Variants in SGSM1 observed in about 807,000 individuals in gnomAD.
SGSM1 encodes small G protein signaling modulator 1.
In SGSM1, 73 loss-of-function variants were observed where a neutral mutation model predicts 133.8. The observed-to-expected ratio is 0.55, with a 90% CI of 0.45 to 0.66. The LOEUF (loss-of-function observed/expected upper bound fraction) is 0.66, where lower values mean the gene tolerates loss of function less well. Among genes scored for constraint, SGSM1 ranks in the 30% least tolerant of loss-of-function variants. SGSM1 has a pLI of 0.00. For missense variants in SGSM1, 1,213 were observed against 1,448.1 expected (o/e 0.84, Z 2.64); for synonymous variants, 563 against 573.0 (o/e 0.98, Z 0.25).
At chr22:24,893,934 C>T (rs1240331726) in intron 17 of SGSM1, among the ~76,000 whole-genome samples, 1 of 152,194 alleles carries the variant, frequency 6.6e-6, no homozygotes, top group African/African-American at 2.4e-5. Flanking sequence ...AAGTGCCTGG[C>T]GCACTGCCTG....
rs150211840 is a variant in SGSM1, at chr22:24,873,093, G to C, written c.1292-3484G>C. On this transcript the variant is annotated intron_variant, in intron 12 of 24. Coordinates refer to ENST00000400358, the MANE Select transcript of SGSM1 (RefSeq NM_001098497.3). Reference sequence around the variant, plus strand: ...TCCACCTCAGCCTCCTGGGTAGCTGGAATCACAGGCACAAGCCACCATACC... The same window carrying C: ...TCCACCTCAGCCTCCTGGGTAGCTGCAATCACAGGCACAAGCCACCATACC... 9.9e-3 allele frequency among the ~76,000 whole-genome samples: 1,504 copies of C among 152,088 alleles called. 14 individuals carry two copies. The highest frequency in any genetic ancestry group is 0.034 in the African/African-American group (1,417 of 41,518).
Position 24,850,297 on chromosome 22 carries a change from G to A in SGSM1, c.320G>A (p.Gly107Asp). The change falls in exon 5 of 25, where the codon GGC becomes GAC. Residue 107 changes from glycine (G) to aspartate (D), a missense_variant. By Grantham distance (94) the Gly-to-Asp change is moderately conservative. Transcript: ENST00000400358. ...TCTTGAAGGAGAAACCAGATTCAAG[G>A]CCTCCAGGAGAATGTGCGGAAGCTG... ...LIESARNQIQ[G>D]LQENVRKLPK... The A allele has an allele frequency of 6.2e-7, 1 of 1,603,014 alleles. No individual in the cohort carries two copies. Among genetic ancestry groups the A allele is most frequent in the South Asian group, 1.1e-5 (1 of 89,380 alleles).
At chr22:24,806,367 G>A in intron 1 of SGSM1, 23 bp downstream of exon 1, 6 of 1,502,552 alleles carry the variant, frequency 4.0e-6, no homozygotes, top group Non-Finnish European at 5.3e-6. Context: ...TGGACACGAG[G>A]GCGGCGGGAG....
intron 16 of SGSM1, among the ~76,000 whole-genome samples, chr22:24,890,243 A>G (rs1182181143): frequency 6.6e-6 from 1 of 152,240 alleles, no homozygotes; most frequent in African/African-American, 2.4e-5. Flanking sequence ...GGCATGAGCC[A>G]CCACGCCCGG....
intron 20 of SGSM1, among the ~76,000 whole-genome samples, chr22:24,902,409 T>C (rs1933199281): frequency 6.6e-6 from 1 of 152,196 alleles, no homozygotes; most frequent in Non-Finnish European, 1.5e-5. Context: ...TCCCAGCACT[T>C]TGGGAAGCTG....
At chr22:24,868,026 G>T (rs1234477803) in intron 10 of SGSM1, among the ~76,000 whole-genome samples, 8 of 152,182 alleles carry the variant, frequency 5.3e-5, no homozygotes, top group Non-Finnish European at 8.8e-5. Flanking sequence ...GACAGGGGAA[G>T]TCTGAAGGCC....
chr22:24,904,355 C>T (rs1003120521), intron 20 of SGSM1, among the ~76,000 whole-genome samples: 3 of 151,918 alleles, frequency 2.0e-5, no homozygotes, highest in South Asian at 2.1e-4. Context: ...CCGAGACGGG[C>T]GGGTCATGAG....
At chr22:24,839,864 C>CT (rs1007041298) in intron 2 of SGSM1, among the ~76,000 whole-genome samples, 4 of 144,466 alleles carry the variant, frequency 2.8e-5, no homozygotes, top group African/African-American at 1.0e-4. Flanking sequence ...TTTGAGAATT[C>CT]TTTTTTTTCT....
chr22:24,861,921 C>T (rs933414183), intron 9 of SGSM1, among the ~76,000 whole-genome samples: 10 of 151,372 alleles, frequency 6.6e-5, no homozygotes, highest in South Asian at 2.1e-4. Context: ...TCTCCCACCT[C>T]GGCTTCCCAG....
rs1008682691 is a variant in SGSM1, at chr22:24,855,616, A to C, written c.737A>C (p.Glu246Ala). 3.1e-6 allele frequency: 5 copies of C among 1,613,862 alleles called. No homozygotes were observed. The African/African-American group carries it at 6.7e-5, about 22-fold the overall frequency. ...TCCCTCTCTGCCCGCGACTACGTGG[A>C]GTCCCTGCATCAGAACTCCCGTGCC... is the stretch of plus-strand genomic sequence containing the variant. ...RPSLSARDYV[E>A]SLHQNSRATL... The change falls in exon 8 of 25, where the codon GAG becomes GCG. Residue 246 changes from glutamate to alanine, a missense_variant. Glu to Ala is a moderately radical substitution (Grantham distance 107). Transcript: ENST00000400358.
intron 21 of SGSM1, among the ~76,000 whole-genome samples, chr22:24,905,969 A>G (rs1933362643): frequency 6.6e-6 from 1 of 152,022 alleles, no homozygotes; most frequent in Non-Finnish European, 1.5e-5. Context: ...ATAACAAGAA[A>G]ACTACACACC....
rs144945430 is a variant in SGSM1 at position 24,909,973 on chromosome 22, C to T, written c.2819-2670C>T. Among the ~76,000 whole-genome samples the T allele has an allele frequency of 7.2e-5, 11 of 152,186 alleles. No individual in the cohort carries two copies. The East Asian group carries it at 1.5e-3, about 21-fold the overall frequency. On this transcript the variant is annotated intron_variant, in intron 21 of 24. Coordinates refer to ENST00000400358, the MANE Select transcript of SGSM1 (RefSeq NM_001098497.3). ...GTCCATCAAATTATGAATGCATAAA[C>T]AAAATGTGGTATATCCATACAATGG...
chr22:24,889,362 T>TA (rs1932763200), intron 16 of SGSM1, among the ~76,000 whole-genome samples: 1 of 152,116 alleles, frequency 6.6e-6, no homozygotes, highest in Admixed American at 6.6e-5. Context: ...CGGTTGGTCT[T>TA]ACAATTTTTT....
intron 2 of SGSM1, among the ~76,000 whole-genome samples, chr22:24,834,527 A>G (rs1929312827): frequency 6.6e-6 from 1 of 152,166 alleles, no homozygotes; most frequent in Non-Finnish European, 1.5e-5. Context: ...TACTCTGTAG[A>G]CCTTTACAGA....
At chr22:24,870,572 T>C (rs1931720595) in intron 12 of SGSM1, among the ~76,000 whole-genome samples, 1 of 152,234 alleles carries the variant, frequency 6.6e-6, no homozygotes, top group South Asian at 2.1e-4. Context: ...GTGAGGACAC[T>C]GGCTGTGCTC....
intron 9 of SGSM1, among the ~76,000 whole-genome samples, chr22:24,861,622 A>C (rs1329876206): frequency 6.7e-6 from 1 of 149,966 alleles, no homozygotes; most frequent in African/African-American, 2.5e-5. Context: ...AACTCGGCTC[A>C]CTGCAACCTC....
At chr22:24,859,945 T>C (rs1304941371) in intron 9 of SGSM1, 105 bp downstream of exon 9, 36 of 1,480,842 alleles carry the variant, frequency 2.4e-5, no homozygotes, top group Non-Finnish European at 3.0e-5. Flanking sequence ...CCCCTGCTTC[T>C]GCCCCCTCCT....
chr22:24,861,356 A>AG (rs1931144465), intron 9 of SGSM1, among the ~76,000 whole-genome samples: 1 of 150,370 alleles, frequency 6.7e-6, no homozygotes, highest in Non-Finnish European at 1.5e-5. Flanking sequence ...TGTCTCAAAA[A>AG]AAAAAAAAAA....
In SGSM1 at chr22:24,877,412, ATC is replaced by A. The variant is rs1932077988; in HGVS notation, c.1430+700_1430+701del. Among the ~76,000 whole-genome samples, 4 of 152,124 alleles carry A rather than the reference ATC, an allele frequency of 2.6e-5. No individual in the cohort carries two copies. The South Asian group carries it at 8.3e-4, about 31-fold the overall frequency. ...TTAATGTTTTATTATATAAAGTTAAATCTCAAGCTCATCTTCTGTTTGCCCAT... is the reference window on the plus strand; with the variant it reads ...TTAATGTTTTATTATATAAAGTTAAATCAAGCTCATCTTCTGTTTGCCCAT... On this transcript the variant is annotated intron_variant, in intron 13 of 24. Coordinates refer to ENST00000400358, the MANE Select transcript of SGSM1 (RefSeq NM_001098497.3).
Sources: allele counts gnomAD v4.1 joint callset (sites outside exome capture counted in the v4.1 genomes callset), GRCh38; gene constraint gnomAD v4.1.1; transcripts MANE v1.5; gene names NCBI Gene and HGNC (gene_info 2026-07-23, HGNC 2026-07-21).